The following RPLP1 variants were observed in gnomAD, a reference collection of about 807,000 sequenced individuals.
The protein encoded by RPLP1 is large ribosomal subunit protein P1.
RPLP1 carries 4 observed loss-of-function variants against 11.6 expected under a neutral mutation model. The observed-to-expected ratio is 0.34, with a 90% CI of 0.17 to 0.79. The LOEUF is 0.79. RPLP1 is among the 30% of genes least tolerant of loss of function. The pLI, the probability that RPLP1 is intolerant of heterozygous loss-of-function variation, is 0.55. For synonymous variants in RPLP1, 54 were observed against 52.2 expected (o/e 1.03, Z -0.15); for missense variants, 133 against 142.8 (o/e 0.93, Z 0.35).
In RPLP1 at chr15:69,456,140, A is replaced by G. The variant is rs1892433990; in HGVS notation, c.*633A>G. On this transcript the variant is annotated 3_prime_UTR_variant, in exon 4 of 4. Transcript: ENST00000260379. Reference sequence around the variant, plus strand: ...GCCAATTAATAATACCATGAATGGAATTTTCAACTTTTCAGGCTTGGATTT... The same window carrying G: ...GCCAATTAATAATACCATGAATGGAGTTTTCAACTTTTCAGGCTTGGATTT... 6.6e-6 allele frequency: 1 copy of G among 152,212 alleles called. No homozygotes were observed. The highest frequency in any genetic ancestry group is 2.1e-4 in the South Asian group (1 of 4,826). 9.4% of individuals were successfully genotyped at this position (152,212 alleles called of 1,614,324 possible). A position where few individuals can be genotyped will look rare whatever the true frequency, so the allele number is the denominator to read the frequency against.
chr15:69,453,523 T>C (rs1184376951), intron 1 of RPLP1, 124 bp from the exon 2 acceptor site: 1 of 1,087,566 alleles, frequency 9.2e-7, no homozygotes, highest in Non-Finnish European at 1.4e-6. Flanking sequence ...ACACATCTCT[T>C]TTGCTTGTGA....
intron 1 of RPLP1, chr15:69,453,245 A>G: frequency 1.7e-6 from 1 of 589,156 alleles, no homozygotes; most frequent in Non-Finnish European, 3.0e-6. Flanking sequence ...AGTGCGCTTG[A>G]GGCTGGGCGC....
At chr15:69,453,820 A>T in intron 2 of RPLP1, 99 bp downstream of exon 2, 1 of 1,168,382 alleles carries the variant, frequency 8.6e-7, no homozygotes, top group Non-Finnish European at 1.3e-6. Flanking sequence ...AACGCCCCAC[A>T]TGCCGCTGGA....
rs540089644 is a variant in RPLP1, at chr15:69,453,159, G to T, written c.72+139G>T. 605 of 798,118 alleles carry T rather than the reference G, an allele frequency of 7.6e-4. 4 individuals are homozygous for T. In the African/African-American group the frequency reaches 9.3e-3, roughly 12 times the overall value. 49.4% of individuals were successfully genotyped at this position (798,118 alleles called of 1,614,324 possible). A position where few individuals can be genotyped will look rare whatever the true frequency, so the allele number is the denominator to read the frequency against. ...CGCGAACACAGGCCGCATAGGGCGGGCGCTCCTCGGGGCTGGGGCCTCTCT... is the reference window on the plus strand; with the variant it reads ...CGCGAACACAGGCCGCATAGGGCGGTCGCTCCTCGGGGCTGGGGCCTCTCT... On this transcript the variant is annotated intron_variant, in intron 1 of 3. Transcript: ENST00000260379.
rs748265018 is a variant in RPLP1 at position 69,455,270 on chromosome 15, C to T, written c.248C>T (p.Ser83Phe). Residue 83 changes from serine (S) to phenylalanine (F), a missense_variant, in exon 3 of 4, where the codon TCC becomes TTC. By Grantham distance (155) the Ser-to-Phe change is radical. Transcript: ENST00000260379. ...GAAPAGGPAP[S>F]TAAAPAEEKK... ...GCACCAGCAGGAGGTCCTGCCCCCT[C>T]CACTGCTGCTGCTCCAGGTAGGAAA... 42 of 1,563,910 alleles carry T rather than the reference C, an allele frequency of 2.7e-5. No individual in the cohort carries two copies. The East Asian group carries it at 8.6e-4, about 32-fold the overall frequency.
At chr15:69,453,568 A>T (rs1892386306) in intron 1 of RPLP1, 79 bp from the exon 2 acceptor site, 1 of 1,433,144 alleles carries the variant, frequency 7.0e-7, no homozygotes, top group African/African-American at 1.4e-5. Flanking sequence ...TGTTATGTAC[A>T]CTTATTGAGT....
intron 2 of RPLP1, chr15:69,454,009 C>A: frequency 2.3e-6 from 1 of 440,520 alleles, no homozygotes; most frequent in South Asian, 3.6e-5. Context: ...AGGTACTACG[C>A]ATGTTAAGTT....
In RPLP1 at chr15:69,452,841, G is replaced by T; in HGVS notation, c.-108G>T. ...AGCCCCTTTCCTCAGCTGCCGCCAA[G>T]GTGCTCGGTCCTTCCGAGGAAGCTA... is the stretch of plus-strand genomic sequence containing the variant. On this transcript the variant is annotated 5_prime_UTR_variant, in exon 1 of 4. The change creates a new upstream start codon in the 5' untranslated region. Coordinates refer to ENST00000260379, the MANE Select transcript of RPLP1 (RefSeq NM_001003.3). 1 of 1,037,640 alleles carries T rather than the reference G, an allele frequency of 9.6e-7. No individual in the cohort carries two copies. Among genetic ancestry groups the T allele is most frequent in the Middle Eastern group, 2.8e-4 (1 of 3,538 alleles). 64.3% of individuals were successfully genotyped at this position (1,037,640 alleles called of 1,614,324 possible).
intron 2 of RPLP1, 164 bp downstream of exon 2, chr15:69,453,885 C>T (rs1472653140): frequency 1.6e-6 from 1 of 640,246 alleles, no homozygotes. Context: ...AAGATTTCAG[C>T]TTGTCAAGTC....
chr15:69,455,529 A>G lies in RPLP1; in HGVS notation c.*22A>G, dbSNP rs1382445777. ...CTAAACCTCTTTTATAACATGTTCA[A>G]TAAAAAGCTGAACTTTACTGCTGTT... On this transcript the variant is annotated 3_prime_UTR_variant, in exon 4 of 4. Coordinates refer to ENST00000260379, the MANE Select transcript of RPLP1 (RefSeq NM_001003.3). The G allele has an allele frequency of 9.6e-6, 15 of 1,557,744 alleles. No individual in the cohort carries two copies. The highest frequency in any genetic ancestry group is 1.3e-5 in the Non-Finnish European group (15 of 1,146,180).
intron 2 of RPLP1, chr15:69,454,379 T>G (rs1892402319): frequency 6.6e-6 from 1 of 152,544 alleles, no homozygotes; most frequent in Non-Finnish European, 1.5e-5. Flanking sequence ...TATGGTTTGA[T>G]GGACATTTGG....
At position 69,453,008 on chromosome 15, in the gene RPLP1, G is replaced by C; in HGVS notation, c.60G>C (p.Glu20Asp). Residue 20 changes from glutamate to aspartate, a missense_variant, in exon 1 of 4, where the codon GAG becomes GAC. Coordinates refer to ENST00000260379, the MANE Select transcript of RPLP1 (RefSeq NM_001003.3). Reference sequence around the variant, plus strand: ...CGGCCCTCATTCTGCACGACGATGAGGTGACAGTCACGGTGAGTGCGGGCG... The same window carrying C: ...CGGCCCTCATTCTGCACGACGATGACGTGACAGTCACGGTGAGTGCGGGCG... The part of the protein sequence containing the change: ...IYSALILHDD[E>D]VTVTEDKINA... The C allele has an allele frequency of 6.4e-7, 1 of 1,573,052 alleles. No homozygotes were observed. Among genetic ancestry groups the C allele is most frequent in the Non-Finnish European group, 8.6e-7 (1 of 1,161,694 alleles).
At chr15:69,453,609 G>T (rs1402593615) in intron 1 of RPLP1, 38 bp from the exon 2 acceptor site, 2 of 1,603,736 alleles carry the variant, frequency 1.2e-6, no homozygotes, top group East Asian at 2.2e-5. Flanking sequence ...TATTACATAC[G>T]CTACGTTTTG....
At position 69,455,635 on chromosome 15, in the gene RPLP1, C is replaced by A; in HGVS notation, c.*128C>A. 1 of 696,544 alleles carries A rather than the reference C, an allele frequency of 1.4e-6. No homozygotes were observed. The highest frequency in any genetic ancestry group is 2.4e-6 in the Non-Finnish European group (1 of 424,728). The allele number at this position is 696,544 out of a possible 1,614,324, so 43.1% of individuals were successfully genotyped here. ...TGGCTTTCAGCCTATTCTGCCATGA[C>A]ACAGGCTGGATTTTCCCTGCCACCA... On this transcript the variant is annotated 3_prime_UTR_variant, in exon 4 of 4. Transcript: ENST00000260379.
intron 2 of RPLP1, 75 bp downstream of exon 2, chr15:69,453,796 C>T: frequency 6.7e-7 from 1 of 1,486,144 alleles, no homozygotes. Context: ...CTAAAGTACC[C>T]CCAGCGGTGC....
chr15:69,455,568 G>C lies in RPLP1; in HGVS notation c.*61G>C, dbSNP rs752982175. The C allele has an allele frequency of 8.0e-7, 1 of 1,256,164 alleles. No individual in the cohort carries two copies. The highest frequency in any genetic ancestry group is 1.3e-5 in the South Asian group (1 of 76,806). The allele number at this position is 1,256,164 out of a possible 1,614,324, so 77.8% of individuals were successfully genotyped here. A position where few individuals can be genotyped will look rare whatever the true frequency, so the allele number is the denominator to read the frequency against. On this transcript the variant is annotated 3_prime_UTR_variant, in exon 4 of 4. Transcript: ENST00000260379. ...TTTACTGCTGTTGGTCTTGTCCATAGTTTTGGAATGTGCTCTGCAAAAATG... is the reference window on the plus strand; with the variant it reads ...TTTACTGCTGTTGGTCTTGTCCATACTTTTGGAATGTGCTCTGCAAAAATG...
intron 1 of RPLP1, 185 bp downstream of exon 1, chr15:69,453,205 C>T: frequency 1.6e-6 from 1 of 613,996 alleles, no homozygotes; most frequent in Non-Finnish European, 2.8e-6. Context: ...CCTGGGCCCC[C>T]GGGACCACGT....
intron 1 of RPLP1, 59 bp from the exon 2 acceptor site, chr15:69,453,588 C>T: frequency 6.5e-7 from 1 of 1,538,670 alleles, no homozygotes; most frequent in South Asian, 1.1e-5. Context: ...TGACGTGCAG[C>T]ATTTTGGAGA....
chr15:69,453,715 T>G lies in RPLP1; in HGVS notation c.141T>G (p.Phe47Leu). ...VNVEPFWPGL[F>L]AKALANVNIG... ...TTGAGCCTTTTTGGCCTGGCTTGTT[T>G]GCAAAGGTAAGGTGATGGTGGCAAA... Residue 47 changes from phenylalanine to leucine, a missense_variant, in exon 2 of 4, where the codon TTT (phenylalanine) becomes TTG (leucine). Coordinates refer to ENST00000260379, the MANE Select transcript of RPLP1 (RefSeq NM_001003.3). 2 of 1,614,186 alleles carry G rather than the reference T, an allele frequency of 1.2e-6. No individual in the cohort carries two copies. The highest frequency in any genetic ancestry group is 1.3e-5 in the African/African-American group (1 of 75,042).
Sources: allele counts gnomAD v4.1 joint callset, GRCh38; gene constraint gnomAD v4.1.1; transcripts MANE v1.5; gene names NCBI Gene and HGNC (gene_info 2026-07-23, HGNC 2026-07-21).